The following BRINP3 variants were observed in gnomAD, a reference collection of about 807,000 sequenced individuals.
The protein encoded by BRINP3 is BMP/retinoic acid inducible neural specific 3, also known as BMP/retinoic acid-inducible neural-specific protein 3.
BRINP3 carries 19 observed loss-of-function variants against 71.0 expected under a neutral mutation model. The ratio of observed to expected loss-of-function variants is 0.27; its 90% CI spans 0.19 to 0.39. The LOEUF is 0.39. BRINP3 is among the 10% of genes least tolerant of loss of function. BRINP3 has a pLI of 1.00. For synonymous variants in BRINP3, 380 were observed against 337.7 expected (o/e 1.13, Z -1.37); for missense variants, 959 against 940.8 (o/e 1.02, Z -0.25).
intron 6 of BRINP3, among the ~76,000 whole-genome samples, chr1:190,216,130 A>G (rs1656397803): frequency 6.6e-6 from 1 of 151,726 alleles, no homozygotes; most frequent in African/African-American, 2.4e-5. Context: ...TATTTGCACA[A>G]GTCTTTTGGT....
chr1:190,297,082 A>T (rs184576013), intron 2 of BRINP3, among the ~76,000 whole-genome samples: 21 of 152,148 alleles, frequency 1.4e-4, no homozygotes, highest in African/African-American at 4.8e-4. Flanking sequence ...ATCACAAAAG[A>T]CTTAAAATAG....
intron 2 of BRINP3, among the ~76,000 whole-genome samples, chr1:190,368,099 C>G (rs889315505): frequency 6.6e-6 from 1 of 152,138 alleles, no homozygotes; most frequent in Non-Finnish European, 1.5e-5. Flanking sequence ...CATTCTTACA[C>G]TGCTAATAAA....
intron 2 of BRINP3, among the ~76,000 whole-genome samples, chr1:190,299,325 C>G (rs1054515604): frequency 3.3e-5 from 5 of 151,820 alleles, no homozygotes; most frequent in African/African-American, 1.2e-4. Flanking sequence ...CATTATAAAA[C>G]TTAAGTACAA....
chr1:190,424,250 A>T (rs1186116042), intron 2 of BRINP3, among the ~76,000 whole-genome samples: 1 of 151,610 alleles, frequency 6.6e-6, no homozygotes, highest in African/African-American at 2.4e-5. Flanking sequence ...ATGTGTTGTT[A>T]TATAGTCAAA....
intron 5 of BRINP3, among the ~76,000 whole-genome samples, chr1:190,227,619 T>TAA (rs576124761): frequency 6.6e-6 from 1 of 151,804 alleles, no homozygotes; most frequent in South Asian, 2.1e-4. Flanking sequence ...TTCACAAAAG[T>TAA]AAAAAAACTT....
At chr1:190,178,950 T>C (rs556449061) in intron 6 of BRINP3, among the ~76,000 whole-genome samples, 73 of 152,094 alleles carry the variant, frequency 4.8e-4, no homozygotes, top group African/African-American at 1.6e-3. Context: ...TTGGTAGAAA[T>C]AACAATATAT....
At chr1:190,206,596 T>C (rs1266158516) in intron 6 of BRINP3, among the ~76,000 whole-genome samples, 1 of 152,204 alleles carries the variant, frequency 6.6e-6, no homozygotes, top group Non-Finnish European at 1.5e-5. Context: ...CAGTGTGAGA[T>C]TCTTGCCAGA....
intron 2 of BRINP3, among the ~76,000 whole-genome samples, chr1:190,356,219 C>A (rs1253863379): frequency 6.6e-6 from 1 of 151,898 alleles, no homozygotes; most frequent in African/African-American, 2.4e-5. Context: ...TAAATTTGAG[C>A]AGAATGCCTG....
chr1:190,294,377 A>G (rs1490888844), intron 2 of BRINP3, among the ~76,000 whole-genome samples: 2 of 151,668 alleles, frequency 1.3e-5, no homozygotes. Context: ...CTCCCAGCTC[A>G]GCCTCCTGAG....
chr1:190,432,687 G>C (rs1674180443), intron 2 of BRINP3, among the ~76,000 whole-genome samples: 1 of 152,146 alleles, frequency 6.6e-6, no homozygotes, highest in Admixed American at 6.6e-5. Context: ...GGACTAAATA[G>C]AGGCATGATC....
intron 2 of BRINP3, among the ~76,000 whole-genome samples, chr1:190,366,752 C>A (rs1056630444): frequency 5.3e-5 from 8 of 152,052 alleles, no homozygotes; most frequent in African/African-American, 1.7e-4. Context: ...AGCAATTGGC[C>A]AAAACAAAGG....
chr1:190,336,836 C>CTCCCTCCT lies in BRINP3; in HGVS notation c.237-55087_237-55086insAGGAGGGA, dbSNP rs1553295104. Among the ~76,000 whole-genome samples, 17 of 126,572 alleles carry CTCCCTCCT rather than the reference C, an allele frequency of 1.3e-4. No homozygotes were observed. In the South Asian group the frequency reaches 2.7e-3, roughly 20 times the overall value. The allele number at this position is 126,572 out of a possible 152,430, so 83.0% of individuals were successfully genotyped here. On this transcript the variant is annotated intron_variant, in intron 2 of 7. Coordinates refer to ENST00000367462, the MANE Select transcript of BRINP3 (RefSeq NM_199051.3). The stretch of plus-strand genomic sequence containing the variant: ...CTCCCTTCCCTCCTTCCCTCCCTCC[C>CTCCCTCCT]TCCTTCCTTCCTTCCTTCCCTCCTT...
In BRINP3 at chr1:190,176,646, T is replaced by A. The variant is rs114109667; in HGVS notation, c.962-15756A>T. On this transcript the variant is annotated intron_variant, in intron 6 of 7. Transcript: ENST00000367462. ...CCCACTTCCAGTTATTTTGCAGATA[T>A]AGTTCCTGGATCTGCTACATTTCTT... Among the ~76,000 whole-genome samples, 607 of 152,310 alleles carry A rather than the reference T, an allele frequency of 4.0e-3. 5 individuals are homozygous for A. The highest frequency in any genetic ancestry group is 0.014 in the Middle Eastern group (4 of 294).
At chr1:190,285,474 T>C (rs1358487521) in intron 2 of BRINP3, among the ~76,000 whole-genome samples, 1 of 152,060 alleles carries the variant, frequency 6.6e-6, no homozygotes, top group Non-Finnish European at 1.5e-5. Context: ...TTTTGTCATG[T>C]AAAGTCATCA....
chr1:190,131,516 C>A (rs550604063), intron 7 of BRINP3, among the ~76,000 whole-genome samples: 7 of 152,144 alleles, frequency 4.6e-5, no homozygotes, highest in African/African-American at 1.7e-4. Flanking sequence ...TTGTAGTCTA[C>A]AAGGTCTGTC....
At chr1:190,237,397 A>G (rs1464680316) in intron 4 of BRINP3, among the ~76,000 whole-genome samples, 2 of 151,672 alleles carry the variant, frequency 1.3e-5, no homozygotes, top group Non-Finnish European at 2.9e-5. Context: ...AATAATAATA[A>G]AATAAATAAA....
chr1:190,162,170 T>G (rs1210061582), intron 6 of BRINP3, among the ~76,000 whole-genome samples: 1 of 151,286 alleles, frequency 6.6e-6, no homozygotes, highest in Non-Finnish European at 1.5e-5. Flanking sequence ...ATTTTTTAAG[T>G]AAGCAGAGTT....
At chr1:190,298,305 T>C (rs897602987) in intron 2 of BRINP3, among the ~76,000 whole-genome samples, 5 of 152,150 alleles carry the variant, frequency 3.3e-5, no homozygotes, top group African/African-American at 1.2e-4. Context: ...TGTTCATTGA[T>C]TTAATCTATT....
intron 2 of BRINP3, among the ~76,000 whole-genome samples, chr1:190,308,575 T>C (rs1456406581): frequency 6.6e-6 from 1 of 151,796 alleles, no homozygotes; most frequent in African/African-American, 2.4e-5. Context: ...CACACCAGCA[T>C]AGCACATGTA....
Sources: gnomAD v4.1 joint callset for allele counts (sites outside exome capture counted in the v4.1 genomes callset) on GRCh38, gnomAD v4.1.1 for gene constraint, MANE v1.5 for transcripts, NCBI Gene and HGNC (gene_info 2026-07-23, HGNC 2026-07-21) for gene names.